The following EPHA5 variants were observed in gnomAD, a reference collection of about 807,000 sequenced individuals.
The protein encoded by EPHA5 is ephrin type-A receptor 5.
Under a neutral mutation model 105.0 loss-of-function variants are expected in EPHA5, and 60 were observed. The observed-to-expected ratio is 0.57, with a 90% CI of 0.46 to 0.71. The LOEUF (loss-of-function observed/expected upper bound fraction) is 0.71. EPHA5 is among the 30% of genes least tolerant of loss of function. The probability of loss-of-function intolerance (pLI) is 0.00; values close to 1 mark genes in which losing one functional copy is unlikely to be tolerated. For synonymous variants in EPHA5, 513 were observed against 449.1 expected (o/e 1.14, Z -1.80); for missense variants, 1,218 against 1,274.7 (o/e 0.96, Z 0.68).
intron 5 of EPHA5, among the ~76,000 whole-genome samples, chr4:65,479,665 A>T (rs1278715408): frequency 6.6e-6 from 1 of 152,164 alleles, no homozygotes; most frequent in Non-Finnish European, 1.5e-5. Flanking sequence ...ATTAGGCAGT[A>T]AGAGAACCTG....
intron 8 of EPHA5, among the ~76,000 whole-genome samples, chr4:65,392,904 T>C (rs1235631447): frequency 6.6e-6 from 1 of 152,180 alleles, no homozygotes; most frequent in Non-Finnish European, 1.5e-5. Context: ...GAAGCCTTTA[T>C]TCTCTAAATA....
chr4:65,366,896 C>A (rs1046083655), intron 9 of EPHA5, among the ~76,000 whole-genome samples: 1 of 151,488 alleles, frequency 6.6e-6, no homozygotes, highest in African/African-American at 2.4e-5. Context: ...AAAGCAAGGT[C>A]TTTTTAAGTC....
At chr4:65,454,295 A>AATG (rs1727362139) in intron 5 of EPHA5, among the ~76,000 whole-genome samples, 1 of 151,444 alleles carries the variant, frequency 6.6e-6, no homozygotes, top group Non-Finnish European at 1.5e-5. Flanking sequence ...AATAATAAAT[A>AATG]ATAATAATAA....
chr4:65,493,916 G>T (rs890386468), intron 4 of EPHA5, among the ~76,000 whole-genome samples: 1 of 151,968 alleles, frequency 6.6e-6, no homozygotes, highest in Non-Finnish European at 1.5e-5. Context: ...TTTAAAACAT[G>T]GTTTTCTCTT....
In EPHA5 at chr4:65,540,996, G is replaced by A. The variant is rs1296771582; in HGVS notation, c.911-45453C>T. ...GATGATCTGAACCTCTGACAATGAT[G>A]AAAATACAACCATAATATCTCTCTC... On this transcript the variant is annotated intron_variant, in intron 3 of 16. Transcript: ENST00000613740. Among the ~76,000 whole-genome samples, 4 of 150,724 alleles carry A rather than the reference G, an allele frequency of 2.7e-5. No individual in the cohort carries two copies. The East Asian group carries it at 7.8e-4, about 29-fold the overall frequency.
intron 3 of EPHA5, among the ~76,000 whole-genome samples, chr4:65,579,288 C>T (rs1388702702): frequency 1.3e-5 from 2 of 149,230 alleles, no homozygotes; most frequent in Non-Finnish European, 3.0e-5. Flanking sequence ...GACTGAATAA[C>T]TCGAAGACAG....
At chr4:65,490,755 T>C (rs746972174) in intron 4 of EPHA5, 43 bp from the exon 5 acceptor site, 80 of 1,570,312 alleles carry the variant, frequency 5.1e-5, no homozygotes, top group Non-Finnish European at 5.2e-5. Flanking sequence ...TTTAAGATGG[T>C]ATTAATTAGG....
At chr4:65,348,659 GATAT>G (rs36206921) in intron 13 of EPHA5, among the ~76,000 whole-genome samples, 1,529 of 59,970 alleles carry the variant, frequency 0.025, 28 homozygotes, top group African/African-American at 0.062. Flanking sequence ...AAACATTGGA[GATAT>G]ATATATATAT....
intron 5 of EPHA5, among the ~76,000 whole-genome samples, chr4:65,456,544 T>A (rs1366703388): frequency 2.0e-5 from 3 of 152,174 alleles, no homozygotes; most frequent in African/African-American, 7.2e-5. Flanking sequence ...CAATCTCACA[T>A]GCTGCTTAAT....
At chr4:65,361,258 A>T (rs908340227) in intron 11 of EPHA5, among the ~76,000 whole-genome samples, 5 of 151,690 alleles carry the variant, frequency 3.3e-5, no homozygotes, top group African/African-American at 1.2e-4. Flanking sequence ...CTGATCTCAT[A>T]GAGGTCACAT....
intron 14 of EPHA5, among the ~76,000 whole-genome samples, chr4:65,337,066 T>A (rs918991054): frequency 2.6e-5 from 4 of 152,122 alleles, no homozygotes; most frequent in African/African-American, 9.7e-5. Flanking sequence ...TTTACAAAGA[T>A]AATTTTAATT....
At chr4:65,536,657 C>CA (rs11459304) in intron 3 of EPHA5, among the ~76,000 whole-genome samples, 30,875 of 150,860 alleles carry the variant, frequency 0.2, 3,277 homozygotes, top group Non-Finnish European at 0.22. Flanking sequence ...AAATTACAGG[C>CA]AATCTGAAAG....
intron 5 of EPHA5, among the ~76,000 whole-genome samples, chr4:65,464,818 T>A (rs1728456965): frequency 6.6e-6 from 1 of 151,992 alleles, no homozygotes; most frequent in African/African-American, 2.4e-5. Flanking sequence ...GATACTGAAG[T>A]TTTTTCTCAT....
chr4:65,333,213 T>G (rs1720809193), intron 15 of EPHA5, among the ~76,000 whole-genome samples: 1 of 151,422 alleles, frequency 6.6e-6, no homozygotes, highest in Non-Finnish European at 1.5e-5. Flanking sequence ...AATTTACATG[T>G]GAAATTTACT....
intron 2 of EPHA5, among the ~76,000 whole-genome samples, chr4:65,607,570 T>C (rs541987081): frequency 5.3e-5 from 8 of 151,968 alleles, no homozygotes; most frequent in African/African-American, 1.9e-4. Context: ...AGCCAACAAA[T>C]ATGCGAAAAA....
chr4:65,515,072 T>A (rs560118200), intron 3 of EPHA5, among the ~76,000 whole-genome samples: 4 of 152,282 alleles, frequency 2.6e-5, no homozygotes, highest in African/African-American at 7.2e-5. Flanking sequence ...CTTCCTCTAG[T>A]GCCCTGACTC....
chr4:65,407,618 A>G (rs1722487011), intron 7 of EPHA5, among the ~76,000 whole-genome samples: 1 of 151,808 alleles, frequency 6.6e-6, no homozygotes, highest in South Asian at 2.1e-4. Context: ...TTTTGTATAA[A>G]AAGCAATCAG....
chr4:65,335,578 T>C (rs971519840), intron 15 of EPHA5, among the ~76,000 whole-genome samples: 23 of 152,218 alleles, frequency 1.5e-4, no homozygotes, highest in Middle Eastern at 6.8e-3. Context: ...CAGTGCTTAA[T>C]TGGCTTTTTC....
chr4:65,492,892 G>T (rs968602543), intron 4 of EPHA5, among the ~76,000 whole-genome samples: 10 of 151,816 alleles, frequency 6.6e-5, no homozygotes, highest in Non-Finnish European at 7.4e-5. Flanking sequence ...ATAGTACAAA[G>T]TTATAGACAA....
Sources: gnomAD v4.1 joint callset for allele counts (sites outside exome capture counted in the v4.1 genomes callset) on GRCh38, gnomAD v4.1.1 for gene constraint, MANE v1.5 for transcripts, NCBI Gene and HGNC (gene_info 2026-07-23, HGNC 2026-07-21) for gene names.